Variants in LPAR3 observed in about 807,000 individuals in gnomAD.
LPAR3 encodes LPA receptor 3.
A neutral mutation model predicts 17.8 loss-of-function variants in LPAR3; 7 were observed. That is an observed-to-expected ratio of 0.39 (90% CI 0.22 to 0.74). The LOEUF is 0.74. Among genes scored for constraint, LPAR3 ranks in the 30% least tolerant of loss-of-function variants. LPAR3 has a pLI of 0.40. For synonymous variants in LPAR3, 179 were observed against 179.9 expected, an observed-to-expected ratio of 0.99 and a Z score of 0.04; for missense variants, 391 against 453.4, an observed-to-expected ratio of 0.86 and a Z score of 1.25.
At chr1:84,888,296 G>C (rs1660496510) in intron 1 of LPAR3, among the ~76,000 whole-genome samples, 1 of 152,098 alleles carries the variant, frequency 6.6e-6, no homozygotes, top group Non-Finnish European at 1.5e-5. Context: ...CTCTTCACCA[G>C]ACCCATGTGA....
At chr1:84,826,132 A>T (rs556251990) in intron 2 of LPAR3, among the ~76,000 whole-genome samples, 32 of 151,594 alleles carry the variant, frequency 2.1e-4, no homozygotes, top group African/African-American at 7.3e-4. Context: ...TATATTTTTG[A>T]ATTATGTATA....
chr1:84,840,514 G>T (rs919520052), intron 2 of LPAR3, among the ~76,000 whole-genome samples: 1 of 152,118 alleles, frequency 6.6e-6, no homozygotes, highest in Non-Finnish European at 1.5e-5. Flanking sequence ...ACCCTGAAGA[G>T]GAAACAATCC....
intron 2 of LPAR3, among the ~76,000 whole-genome samples, chr1:84,817,229 GCAAC>G (rs1658950562): frequency 7.6e-6 from 1 of 131,394 alleles, no homozygotes; most frequent in Non-Finnish European, 1.7e-5. Flanking sequence ...AGATTGGTAG[GCAAC>G]TAAGTGATAA....
rs145213096 is a variant in LPAR3 at position 84,888,720 on chromosome 1, C to A, written c.-19+4296G>T. Reference sequence around the variant, plus strand: ...TGGAAGGCCTTTGGACCAAATAGTGCACTTATGGAGGGGCTAATGTGCCCT... The same window carrying A: ...TGGAAGGCCTTTGGACCAAATAGTGAACTTATGGAGGGGCTAATGTGCCCT... On this transcript the variant is annotated intron_variant, in intron 1 of 2. Transcript: ENST00000370611. Among the ~76,000 whole-genome samples the A allele has an allele frequency of 3.5e-3, 534 of 152,306 alleles. 3 individuals are homozygous for A. The highest frequency in any genetic ancestry group is 0.012 in the African/African-American group (484 of 41,554).
intron 1 of LPAR3, among the ~76,000 whole-genome samples, chr1:84,866,768 G>C (rs1660058548): frequency 6.6e-6 from 1 of 152,100 alleles, no homozygotes; most frequent in African/African-American, 2.4e-5. Context: ...CCATCTTTTG[G>C]TTTCAACAAA....
In LPAR3 at chr1:84,833,923, A is replaced by G. The variant is rs571145026; in HGVS notation, c.737-19752T>C. ...AAGAGTCTGGGAAGAGCTGGAAAAAATGCTTAGACACGAGAGCTAAGTGAG... is the reference window on the plus strand; with the variant it reads ...AAGAGTCTGGGAAGAGCTGGAAAAAGTGCTTAGACACGAGAGCTAAGTGAG... On this transcript the variant is annotated intron_variant, in intron 2 of 2. Transcript: ENST00000370611. Among the ~76,000 whole-genome samples the G allele has an allele frequency of 2.0e-5, 3 of 152,320 alleles. No homozygotes were observed. In the South Asian group the frequency reaches 6.2e-4, roughly 32 times the overall value.
Position 84,879,343 on chromosome 1 carries a change from G to A in LPAR3, c.-18-13205C>T, listed in dbSNP as rs143916689. 1.6e-3 allele frequency among the ~76,000 whole-genome samples: 163 copies of A among 102,028 alleles called. 1 individual carries two copies. Among genetic ancestry groups the A allele is most frequent in the East Asian group, 0.016 (65 of 4,082 alleles). The allele number at this position is 102,028 out of a possible 152,430, so 66.9% of individuals were successfully genotyped here. On this transcript the variant is annotated intron_variant, in intron 1 of 2. Coordinates refer to ENST00000370611, the MANE Select transcript of LPAR3 (RefSeq NM_012152.3). ...TTTTTTTTTTTTGAGATGGAATCTC[G>A]CTGTGTCGCCCAGGCTGGAGGACAG...
intron 1 of LPAR3, among the ~76,000 whole-genome samples, chr1:84,867,263 G>A (rs1004222010): frequency 3.3e-5 from 5 of 152,174 alleles, no homozygotes; most frequent in Non-Finnish European, 4.4e-5. Flanking sequence ...AGCCATGAAC[G>A]GTCCTACGGA....
chr1:84,865,203 A>G (rs1660014431), intron 2 of LPAR3, among the ~76,000 whole-genome samples, 182 bp downstream of exon 2: 2 of 152,052 alleles, frequency 1.3e-5, no homozygotes, highest in South Asian at 4.2e-4. Context: ...GTTTACCCCC[A>G]TTAGAATACT....
intron 2 of LPAR3, among the ~76,000 whole-genome samples, chr1:84,814,832 A>C (rs1279143231): frequency 2.6e-5 from 4 of 152,194 alleles, no homozygotes; most frequent in Non-Finnish European, 5.9e-5. Context: ...TTTTGGTCAG[A>C]AATAAATCTT....
At chr1:84,859,678 C>T (rs1322067284) in intron 2 of LPAR3, among the ~76,000 whole-genome samples, 1 of 152,162 alleles carries the variant, frequency 6.6e-6, no homozygotes, top group East Asian at 1.9e-4. Context: ...GTGTTGCTTA[C>T]AATCTCATCA....
chr1:84,883,721 GT>G (rs74859279), intron 1 of LPAR3, among the ~76,000 whole-genome samples: 1,383 of 136,542 alleles, frequency 0.01, 8 homozygotes, highest in South Asian at 0.027. Context: ...GGATTTTTTT[GT>G]TTTTTTTTTT....
At chr1:84,830,285 C>T (rs1240670841) in intron 2 of LPAR3, among the ~76,000 whole-genome samples, 1 of 152,088 alleles carries the variant, frequency 6.6e-6, no homozygotes, top group African/African-American at 2.4e-5. Flanking sequence ...AATAAACACG[C>T]CCCCATTCCA....
chr1:84,825,797 T>A (rs1356619298), intron 2 of LPAR3, among the ~76,000 whole-genome samples: 1 of 152,190 alleles, frequency 6.6e-6, no homozygotes, highest in East Asian at 1.9e-4. Context: ...TATCCTGCCT[T>A]GGTCATCAGT....
intron 1 of LPAR3, among the ~76,000 whole-genome samples, chr1:84,887,795 A>G (rs1376641373): frequency 6.6e-6 from 1 of 152,292 alleles, no homozygotes; most frequent in Admixed American, 6.5e-5. Flanking sequence ...GAGTCATCCT[A>G]CAGCATGTAG....
intron 2 of LPAR3, among the ~76,000 whole-genome samples, chr1:84,844,133 C>T (rs1023956105): frequency 2.0e-5 from 3 of 152,286 alleles, no homozygotes; most frequent in Non-Finnish European, 4.4e-5. Flanking sequence ...AGGGCCTGGC[C>T]CATTGCAGAC....
At chr1:84,822,546 T>C (rs1237350642) in intron 2 of LPAR3, among the ~76,000 whole-genome samples, 2 of 152,188 alleles carry the variant, frequency 1.3e-5, no homozygotes, top group Non-Finnish European at 2.9e-5. Context: ...ATTGTTTACA[T>C]ACTCGATAAC....
At chr1:84,854,370 C>T (rs959309252) in intron 2 of LPAR3, among the ~76,000 whole-genome samples, 2 of 152,178 alleles carry the variant, frequency 1.3e-5, no homozygotes, top group Non-Finnish European at 2.9e-5. Context: ...TTTTTTCAGC[C>T]TAGGCCCCCT....
At chr1:84,856,524 C>T (rs1429545587) in intron 2 of LPAR3, among the ~76,000 whole-genome samples, 1 of 152,182 alleles carries the variant, frequency 6.6e-6, no homozygotes, top group Admixed American at 6.5e-5. Flanking sequence ...TTCAGAATTC[C>T]TCACGAACTT....
Sources: gnomAD v4.1 joint callset for allele counts (sites outside exome capture counted in the v4.1 genomes callset) on GRCh38, gnomAD v4.1.1 for gene constraint, MANE v1.5 for transcripts, NCBI Gene and HGNC (gene_info 2026-07-23, HGNC 2026-07-21) for gene names.